The following GON4L variants were observed in gnomAD, a reference collection of about 807,000 sequenced individuals.
GON4L encodes gon-4 like.
Under a neutral mutation model 211.8 loss-of-function variants are expected in GON4L, and 87 were observed. The ratio of observed to expected loss-of-function variants is 0.41; its 90% CI spans 0.35 to 0.49. The LOEUF (loss-of-function observed/expected upper bound fraction) is 0.49. Among genes scored for constraint, GON4L ranks in the 20% least tolerant of loss-of-function variants. The pLI is 0.15. For missense variants in GON4L, 2,155 were observed against 2,659.5 expected (o/e 0.81, Z 4.17); for synonymous variants, 875 against 962.6 (o/e 0.91, Z 1.68).
At position 155,826,821 on chromosome 1, in the gene GON4L, G is replaced by T. The variant is rs201082357; in HGVS notation, c.697+16C>A. ...TAAAGAGGTTTCATTTAATTAAAAA[G>T]AAAAAGAAAGCCTACCCATTGGAAT... On this transcript the variant is annotated intron_variant, in intron 3 of 31. Transcript: ENST00000368331. 5.1e-6 allele frequency: 8 copies of T among 1,559,188 alleles called. No individual in the cohort carries two copies. The highest frequency in any genetic ancestry group is 1.7e-5 in the Admixed American group (1 of 59,828).
intron 27 of GON4L, 36 bp from the exon 28 acceptor site, chr1:155,754,524 GTTTTTTTTT>G (rs760971402): frequency 1.3e-5 from 6 of 477,384 alleles, no homozygotes; most frequent in Non-Finnish European, 2.1e-5. Flanking sequence ...CTGCCAAGTT[GTTTTTTTTT>G]TTTTTTTTTT....
intron 6 of GON4L, among the ~76,000 whole-genome samples, chr1:155,817,755 G>C (rs1054953880): frequency 1.3e-5 from 2 of 151,922 alleles, no homozygotes; most frequent in Non-Finnish European, 2.9e-5. Context: ...TTCTACAAAA[G>C]AATGTTTCAA....
intron 2 of GON4L, among the ~76,000 whole-genome samples, chr1:155,838,789 A>G (rs1021704708): frequency 6.7e-6 from 1 of 150,302 alleles, no homozygotes; most frequent in African/African-American, 2.4e-5. Flanking sequence ...AAAAGAAAAA[A>G]AATTATAAAT....
At chr1:155,808,507 C>T (rs774568639) in intron 10 of GON4L, among the ~76,000 whole-genome samples, 3 of 152,140 alleles carry the variant, frequency 2.0e-5, no homozygotes, top group Admixed American at 1.3e-4. Context: ...TCTATCTTAG[C>T]GACTTAGAAT....
chr1:155,820,570 A>G (rs1668638943), intron 6 of GON4L, 36 bp downstream of exon 6: 18 of 1,381,482 alleles, frequency 1.3e-5, no homozygotes, highest in Non-Finnish European at 1.7e-5. Context: ...TCACCAAGCT[A>G]AAAAAAAACC....
intron 21 of GON4L, among the ~76,000 whole-genome samples, chr1:155,764,021 AAC>A (rs112848477): frequency 0.15 from 7,008 of 47,218 alleles, 215 homozygotes; most frequent in Non-Finnish European, 0.24. Flanking sequence ...AACAAAAACA[AAC>A]AAAAAAAAAA....
chr1:155,794,913 A>G, intron 12 of GON4L, 137 bp downstream of exon 12: 2 of 685,882 alleles, frequency 2.9e-6, no homozygotes, highest in Non-Finnish European at 5.3e-6. Flanking sequence ...TTAAAGAATC[A>G]GATCAATAAA....
intron 20 of GON4L, 189 bp downstream of exon 20, chr1:155,767,236 T>C: frequency 7.5e-7 from 1 of 1,326,886 alleles, no homozygotes; most frequent in Non-Finnish European, 1.0e-6. Flanking sequence ...ATTTTACCTA[T>C]TATTTTGAAA....
intron 11 of GON4L, among the ~76,000 whole-genome samples, chr1:155,798,303 TTTAAC>T (rs540474871): frequency 6.0e-5 from 9 of 150,880 alleles, no homozygotes; most frequent in African/African-American, 2.2e-4. Context: ...TATTTGTGGG[TTTAAC>T]TTATCAGTAC....
intron 1 of GON4L, among the ~76,000 whole-genome samples, chr1:155,855,368 T>C (rs940619461): frequency 7.2e-5 from 11 of 152,186 alleles, no homozygotes; most frequent in African/African-American, 2.4e-4. Flanking sequence ...TCTGGGTTTT[T>C]TTTTTTGAAA....
At chr1:155,843,476 C>T (rs1445661434) in intron 2 of GON4L, among the ~76,000 whole-genome samples, 1 of 152,160 alleles carries the variant, frequency 6.6e-6, no homozygotes, top group Non-Finnish European at 1.5e-5. Flanking sequence ...CCTCTCCAAC[C>T]ACCCTCCTAC....
At chr1:155,745,515 A>G (rs1412563238), downstream of GON4L, among the ~76,000 whole-genome samples, 1 of 152,232 alleles carries the variant, frequency 6.6e-6, no homozygotes. Flanking sequence ...TACGAGGCAG[A>G]GCCTTCCGCG....
Position 155,753,126 on chromosome 1 carries a change from A to C in GON4L, c.5842+78T>G, listed in dbSNP as rs754804995. The C allele has an allele frequency of 2.2e-5, 24 of 1,092,928 alleles. No homozygotes were observed. The Middle Eastern group carries it at 1.0e-3, about 46-fold the overall frequency. The allele number at this position is 1,092,928 out of a possible 1,614,324, so 67.7% of individuals were successfully genotyped here. A position where few individuals can be genotyped will look rare whatever the true frequency, so the allele number is the denominator to read the frequency against. On this transcript the variant is annotated intron_variant, in intron 29 of 31. Transcript: ENST00000368331. ...CCATCCCTGAAAAGGCTATTTATCC[A>C]GGCTCATGGAGGTTCCTGTCTGGAG...
At chr1:155,835,665 T>G (rs900081573) in intron 2 of GON4L, among the ~76,000 whole-genome samples, 2 of 152,082 alleles carry the variant, frequency 1.3e-5, no homozygotes, top group African/African-American at 4.8e-5. Flanking sequence ...ACCGTTTCAT[T>G]TTTTTTCCAT....
chr1:155,771,903 C>T (rs1387667942), intron 18 of GON4L, among the ~76,000 whole-genome samples: 1 of 152,160 alleles, frequency 6.6e-6, no homozygotes, highest in Non-Finnish European at 1.5e-5. Context: ...ATGGCTCACG[C>T]CTGTAATCCC....
In GON4L at chr1:155,766,599, T is replaced by A; in HGVS notation, c.2874A>T (p.Lys958Asn). ...TEINSDRSLE[K>N]DNLELGSESR... Reference sequence around the variant, plus strand: ...ATTCACTCCCCAACTCCAAATTGTCTTTTTCTAGGCTTCGATCTGAGTTGA... The same window carrying A: ...ATTCACTCCCCAACTCCAAATTGTCATTTTCTAGGCTTCGATCTGAGTTGA... Residue 958 changes from lysine (K) to asparagine (N), a missense_variant, in exon 21 of 32, where the codon AAA (lysine) becomes AAT (asparagine). Lys to Asn is a moderately conservative substitution (Grantham distance 94). Around this residue, in one of 6 missense-constraint regions of GON4L, gnomAD observed 615 missense variants for 625.7 expected, o/e 0.98. Coordinates refer to ENST00000368331, the MANE Select transcript of GON4L (RefSeq NM_001282860.2). 6.2e-7 allele frequency: 1 copy of A among 1,614,156 alleles called. No individual in the cohort carries two copies. Among genetic ancestry groups the A allele is most frequent in the South Asian group, 1.1e-5 (1 of 91,084 alleles).
chr1:155,756,359 T>TAAG (rs1444753518), intron 27 of GON4L, among the ~76,000 whole-genome samples: 1 of 152,094 alleles, frequency 6.6e-6, no homozygotes, highest in African/African-American at 2.4e-5. Flanking sequence ...AAAGTTGAAT[T>TAAG]AAGGGTAATA....
At position 155,765,258 on chromosome 1, in the gene GON4L, A is replaced by C. The variant is rs765010421; in HGVS notation, c.4215T>G (p.Asp1405Glu). 1 of 1,614,170 alleles carries C rather than the reference A, an allele frequency of 6.2e-7. No individual in the cohort carries two copies. Among genetic ancestry groups the C allele is most frequent in the Admixed American group, 1.7e-5 (1 of 60,020 alleles). ...EPPDEGTSGTDVNKGSSKNAL... is the reference protein window; with the variant it reads ...EPPDEGTSGTEVNKGSSKNAL... ...CATTCTTTGATGATCCTTTGTTCAC[A>C]TCTGTCCCTGAGGTTCCTTCATCAG... Residue 1405 changes from aspartate to glutamate, a missense_variant, in exon 21 of 32, where the codon GAT becomes GAG. Asp to Glu is a conservative substitution (Grantham distance 45). This residue lies in a region of GON4L where 615 missense variants were observed against 625.7 expected (regional missense o/e 0.98). Coordinates refer to ENST00000368331, the MANE Select transcript of GON4L (RefSeq NM_001282860.2).
At chr1:155,858,700 C>T (rs1672465768), upstream of GON4L, among the ~76,000 whole-genome samples, 1 of 111,796 alleles carries the variant, frequency 8.9e-6, no homozygotes, top group Non-Finnish European at 1.8e-5. Context: ...CGTGTACAAC[C>T]AAATTTTTTT....
Sources: gnomAD v4.1 joint callset for allele counts (sites outside exome capture counted in the v4.1 genomes callset) on GRCh38, gnomAD v4.1.1 for gene constraint, gnomAD v4.1.1 regional missense constraint, MANE v1.5 for transcripts, NCBI Gene and HGNC (gene_info 2026-07-23, HGNC 2026-07-21) for gene names.